The following ADGRL3 variants were observed in gnomAD, a reference collection of about 807,000 sequenced individuals.
The protein encoded by ADGRL3 is adhesion G protein-coupled receptor L3.
A neutral mutation model predicts 153.5 loss-of-function variants in ADGRL3; 62 were observed. That is an observed-to-expected ratio of 0.40 (90% CI 0.33 to 0.50). The LOEUF is 0.50. Among genes scored for constraint, ADGRL3 ranks in the 20% least tolerant of loss-of-function variants. The pLI, the probability that ADGRL3 is intolerant of heterozygous loss-of-function variation, is 0.47. For synonymous variants in ADGRL3, 710 were observed against 672.5 expected, an observed-to-expected ratio of 1.06 and a Z score of -0.86; for missense variants, 1,641 against 1,859.4, an observed-to-expected ratio of 0.88 and a Z score of 2.16.
At chr4:61,395,351 T>C (rs2096856874) in intron 2 of ADGRL3, among the ~76,000 whole-genome samples, 1 of 152,026 alleles carries the variant, frequency 6.6e-6, no homozygotes, top group Non-Finnish European at 1.5e-5. Context: ...AAACCTTTGC[T>C]GTATATATGC....
At chr4:62,041,969 T>G (rs1728570157) in intron 24 of ADGRL3, among the ~76,000 whole-genome samples, 1 of 152,110 alleles carries the variant, frequency 6.6e-6, no homozygotes, top group South Asian at 2.1e-4. Context: ...CATTAACCAC[T>G]GTGCTTCGGT....
intron 13 of ADGRL3, among the ~76,000 whole-genome samples, chr4:61,931,830 A>G (rs1478205994): frequency 6.6e-6 from 1 of 152,184 alleles, no homozygotes; most frequent in Non-Finnish European, 1.5e-5. Context: ...TTGAAAACTT[A>G]TAACTATGAA....
At chr4:61,459,633 C>G (rs1445964831) in intron 2 of ADGRL3, among the ~76,000 whole-genome samples, 1 of 152,096 alleles carries the variant, frequency 6.6e-6, no homozygotes, top group Non-Finnish European at 1.5e-5. Context: ...AACCTCCATA[C>G]TGTTTTCTAT....
At chr4:61,472,099 G>T (rs537761046) in intron 2 of ADGRL3, among the ~76,000 whole-genome samples, 1 of 152,066 alleles carries the variant, frequency 6.6e-6, no homozygotes, top group East Asian at 1.9e-4. Flanking sequence ...GTGTTTAAAG[G>T]CATTGCTTAT....
intron 2 of ADGRL3, among the ~76,000 whole-genome samples, chr4:61,473,219 G>T (rs201147077): frequency 2.4e-4 from 1 of 4,096 alleles, no homozygotes; most frequent in Admixed American, 0.013. Context: ...TTGTGTGTGT[G>T]TGTGTGTGTG....
intron 1 of ADGRL3, among the ~76,000 whole-genome samples, chr4:61,357,845 C>G (rs933035283): frequency 2.6e-5 from 4 of 151,858 alleles, no homozygotes; most frequent in African/African-American, 9.7e-5. Flanking sequence ...GAAAAAAAAT[C>G]TAAAATAAAT....
At chr4:61,690,165 CCAGA>C (rs761761132) in intron 6 of ADGRL3, among the ~76,000 whole-genome samples, 1 of 152,116 alleles carries the variant, frequency 6.6e-6, no homozygotes, top group African/African-American at 2.4e-5. Context: ...CTGAAGTTGG[CCAGA>C]CAAAGTGGCT....
chr4:61,914,331 A>G (rs1250565113), intron 13 of ADGRL3, among the ~76,000 whole-genome samples: 1 of 152,146 alleles, frequency 6.6e-6, no homozygotes, highest in African/African-American at 2.4e-5. Flanking sequence ...AGCTAGGTTC[A>G]TGACTCAGGC....
chr4:61,865,363 T>A (rs750369857), intron 9 of ADGRL3, among the ~76,000 whole-genome samples: 2 of 151,876 alleles, frequency 1.3e-5, no homozygotes, highest in African/African-American at 2.4e-5. Context: ...CTGGGCAGGA[T>A]TTTTTTAAAA....
chr4:61,616,941 C>T (rs1454053573), intron 5 of ADGRL3, among the ~76,000 whole-genome samples: 1 of 152,052 alleles, frequency 6.6e-6, no homozygotes, highest in East Asian at 1.9e-4. Context: ...AGGCAAGAGC[C>T]ACTGGGGCCA....
intron 1 of ADGRL3, among the ~76,000 whole-genome samples, chr4:61,259,339 C>T (rs1056095700): frequency 2.0e-5 from 3 of 151,910 alleles, no homozygotes; most frequent in South Asian, 4.2e-4. Flanking sequence ...AGGAGAATGG[C>T]GTGAACCCGG....
intron 8 of ADGRL3, among the ~76,000 whole-genome samples, chr4:61,758,390 A>G (rs999808236): frequency 1.3e-5 from 2 of 152,210 alleles, no homozygotes; most frequent in East Asian, 1.9e-4. Flanking sequence ...TATATTTAGG[A>G]TAGTTAGCTC....
At chr4:61,660,275 G>C (rs1382692853) in intron 5 of ADGRL3, among the ~76,000 whole-genome samples, 4 of 152,082 alleles carry the variant, frequency 2.6e-5, no homozygotes, top group East Asian at 1.9e-4. Flanking sequence ...ATGTAAGGAG[G>C]TAAAGCTCTG....
At chr4:61,802,271 T>C (rs1326375801) in intron 8 of ADGRL3, among the ~76,000 whole-genome samples, 1 of 152,142 alleles carries the variant, frequency 6.6e-6, no homozygotes, top group African/African-American at 2.4e-5. Context: ...TTGCTTTTGT[T>C]TGAAAGTGAG....
intron 13 of ADGRL3, among the ~76,000 whole-genome samples, chr4:61,917,265 A>G (rs951549319): frequency 3.3e-5 from 5 of 152,184 alleles, no homozygotes; most frequent in African/African-American, 1.2e-4. Context: ...GATAGGAGGC[A>G]AGACATATCA....
At chr4:61,724,927 G>A (rs56696257) in intron 6 of ADGRL3, among the ~76,000 whole-genome samples, 4,090 of 152,164 alleles carry the variant, frequency 0.027, 210 homozygotes, top group African/African-American at 0.093. Flanking sequence ...GTTTTCCTTA[G>A]TCAAGAAATG....
chr4:61,883,858 C>T (rs1163149699), intron 9 of ADGRL3, among the ~76,000 whole-genome samples: 1 of 152,052 alleles, frequency 6.6e-6, no homozygotes. Flanking sequence ...GTACTCTTTG[C>T]TTCATCTCTG....
chr4:62,011,060 G>A (rs997942860), intron 21 of ADGRL3, among the ~76,000 whole-genome samples: 8 of 152,052 alleles, frequency 5.3e-5, no homozygotes, highest in African/African-American at 1.9e-4. Flanking sequence ...ATTTATTTTA[G>A]CGTAGTTTCA....
Position 61,280,298 on chromosome 4 carries a change from C to T in ADGRL3, c.-240+78533C>T, listed in dbSNP as rs183820361. On this transcript the variant is annotated intron_variant, in intron 1 of 26. Transcript: ENST00000683033. ...CTAATTTTTGTATTTTTAGTAGAGA[C>T]GGGTTTCACCATATTGGCCAGGATG... Among the ~76,000 whole-genome samples the T allele has an allele frequency of 2.0e-3, 299 of 151,346 alleles. 1 individual carries two copies. The highest frequency in any genetic ancestry group is 7.0e-3 in the African/African-American group (289 of 41,308).
Sources: gnomAD v4.1 joint callset for allele counts (sites outside exome capture counted in the v4.1 genomes callset) on GRCh38, gnomAD v4.1.1 for gene constraint, MANE v1.5 for transcripts, NCBI Gene and HGNC (gene_info 2026-07-23, HGNC 2026-07-21) for gene names.